IGFL2: variants seen among roughly 807,000 people sequenced by gnomAD.
IGFL2 encodes the protein IGF like family member 2, also known as insulin growth factor-like family member 2.
IGFL2 carries 7 observed loss-of-function variants against 13.9 expected under a neutral mutation model. The observed-to-expected ratio is 0.51, with a 90% CI of 0.29 to 0.95. The LOEUF (loss-of-function observed/expected upper bound fraction) is 0.95, where lower values mean the gene tolerates loss of function less well. Among genes scored for constraint, IGFL2 ranks in the 40% least tolerant of loss-of-function variants. IGFL2 has a pLI of 0.08. For synonymous variants in IGFL2, 55 were observed against 55.8 expected, an observed-to-expected ratio of 0.99 and a Z score of 0.07; for missense variants, 138 against 147.8, an observed-to-expected ratio of 0.93 and a Z score of 0.34.
chr19:46,124,601 G>T, the IGFL2 span: 1 of 1,594,148 alleles, frequency 6.3e-7, no homozygotes, highest in Non-Finnish European at 8.6e-7. Flanking sequence ...ATGAGATGAT[G>T]TTTGGATTTG....
the IGFL2 span, chr19:46,212,001 A>G: frequency 6.6e-6 from 1 of 152,196 alleles, no homozygotes; most frequent in African/African-American, 2.4e-5. Context: ...AGTGTCATAA[A>G]CAATCTAGCA....
the IGFL2 span, among the ~76,000 whole-genome samples, chr19:46,172,586 G>T: frequency 6.6e-6 from 1 of 152,070 alleles, no homozygotes; most frequent in African/African-American, 2.4e-5. Flanking sequence ...TGAGTAGCTG[G>T]GATTACAGGC....
the IGFL2 span, among the ~76,000 whole-genome samples, chr19:46,125,768 A>G: frequency 3.3e-5 from 5 of 152,234 alleles, no homozygotes; most frequent in African/African-American, 1.2e-4. Flanking sequence ...AAGAAGGCCA[A>G]CAATGTGAAG....
chr19:46,210,784 C>T, the IGFL2 span, among the ~76,000 whole-genome samples: 2 of 152,222 alleles, frequency 1.3e-5, no homozygotes, highest in Non-Finnish European at 2.9e-5. Flanking sequence ...GGCAACACCC[C>T]TACAGACACA....
intron 1 of IGFL2, among the ~76,000 whole-genome samples, chr19:46,149,508 G>A (rs79386463): frequency 3.3e-4 from 49 of 150,730 alleles, no homozygotes; most frequent in Admixed American, 1.9e-3. Flanking sequence ...CCCGACCACC[G>A]CATGCCCATT....
intron 1 of IGFL2, chr19:46,159,556 T>A (rs1364772679): frequency 2.0e-5 from 3 of 152,208 alleles, no homozygotes; most frequent in Non-Finnish European, 4.4e-5. Flanking sequence ...AATCTCATTG[T>A]CACCTGCCTG....
the IGFL2 span, among the ~76,000 whole-genome samples, chr19:46,131,090 T>C: frequency 3.9e-5 from 6 of 152,234 alleles, no homozygotes; most frequent in Non-Finnish European, 7.3e-5. Flanking sequence ...TTCTATAAGA[T>C]GTGATGCTGA....
chr19:46,160,379 C>T, intron 1 of IGFL2, 36 bp from the exon 2 acceptor site: 1 of 1,593,842 alleles, frequency 6.3e-7, no homozygotes. Flanking sequence ...GCCACACTTC[C>T]AGCCCCATCC....
the IGFL2 span, among the ~76,000 whole-genome samples, chr19:46,099,014 C>A: frequency 1.3e-5 from 2 of 152,160 alleles, no homozygotes; most frequent in South Asian, 4.1e-4. Context: ...CAAGGCAGGC[C>A]TGGTGGTGAT....
At chr19:46,139,839 A>C (rs1972776060), upstream of IGFL2, among the ~76,000 whole-genome samples, 1 of 151,530 alleles carries the variant, frequency 6.6e-6, no homozygotes. Context: ...ATGTCTATAT[A>C]TATTTATATG....
At chr19:46,084,962 A>G in the IGFL2 span, among the ~76,000 whole-genome samples, 7 of 152,206 alleles carry the variant, frequency 4.6e-5, no homozygotes, top group African/African-American at 1.2e-4. Context: ...AACTCAGTCA[A>G]AAGTCTCAAG....
chr19:46,211,030 C>T, the IGFL2 span, among the ~76,000 whole-genome samples: 1 of 152,178 alleles, frequency 6.6e-6, no homozygotes, highest in African/African-American at 2.4e-5. Context: ...TGGGTGTATC[C>T]ACAGTAACAT....
chr19:46,090,923 T>C, the IGFL2 span, among the ~76,000 whole-genome samples: 9 of 152,080 alleles, frequency 5.9e-5, no homozygotes, highest in Non-Finnish European at 1.3e-4. Context: ...CAAGGCAAAA[T>C]TTTGTTTACT....
At chr19:46,181,456 A>C in the IGFL2 span, 1 of 152,228 alleles carries the variant, frequency 6.6e-6, no homozygotes, top group Non-Finnish European at 1.5e-5. Context: ...CCCCAGAGTC[A>C]CATAACAGGG....
the IGFL2 span, chr19:46,207,240 T>A: frequency 6.6e-6 from 1 of 152,290 alleles, no homozygotes; most frequent in East Asian, 1.9e-4. Flanking sequence ...TTTTATAAAG[T>A]TTGGTCCTTA....
At chr19:46,180,035 A>T in the IGFL2 span, among the ~76,000 whole-genome samples, 1 of 152,210 alleles carries the variant, frequency 6.6e-6, no homozygotes, top group South Asian at 2.1e-4. Flanking sequence ...AGACAAATAC[A>T]CGCATCTGTG....
chr19:46,142,519 ATTCC>A (rs1408514714), upstream of IGFL2, among the ~76,000 whole-genome samples: 1 of 152,216 alleles, frequency 6.6e-6, no homozygotes, highest in African/African-American at 2.4e-5. Context: ...CAAATTATCT[ATTCC>A]TTCTGCAATG....
chr19:46,096,685 T>C, the IGFL2 span, among the ~76,000 whole-genome samples: 1 of 152,228 alleles, frequency 6.6e-6, no homozygotes, highest in Admixed American at 6.5e-5. Context: ...TTTTGAGCTA[T>C]GTTTTATCAA....
the IGFL2 span, chr19:46,181,332 A>G: frequency 1.3e-5 from 2 of 152,210 alleles, no homozygotes; most frequent in African/African-American, 4.8e-5. Flanking sequence ...TTGAAGCCAC[A>G]TTCATAAGGT....
Sources: gnomAD v4.1 joint callset for allele counts (sites outside exome capture counted in the v4.1 genomes callset) on GRCh38, gnomAD v4.1.1 for gene constraint, MANE v1.5 for transcripts, NCBI Gene and HGNC (gene_info 2026-07-23, HGNC 2026-07-21) for gene names.